The following TAS2R1 variants were observed in gnomAD, a reference collection of about 807,000 sequenced individuals.
The protein encoded by TAS2R1 is taste 2 receptor member 1.
For missense variants in TAS2R1, 370 were observed against 353.4 expected, an observed-to-expected ratio of 1.05 and a Z score of -0.38; for synonymous variants, 141 against 134.2, an observed-to-expected ratio of 1.05 and a Z score of -0.35.
At chr5:9,814,392 G>A in the TAS2R1 span, among the ~76,000 whole-genome samples, 2 of 152,042 alleles carry the variant, frequency 1.3e-5, no homozygotes, top group Non-Finnish European at 2.9e-5. Flanking sequence ...ATCTAAGCAG[G>A]AATATCTAGA....
the TAS2R1 span, among the ~76,000 whole-genome samples, chr5:9,811,905 AC>A: frequency 6.6e-6 from 1 of 152,000 alleles, no homozygotes; most frequent in African/African-American, 2.4e-5. Flanking sequence ...CCTCTTGGGC[AC>A]CCTTTCCTTT....
the TAS2R1 span, among the ~76,000 whole-genome samples, chr5:9,803,985 C>A: frequency 6.6e-6 from 1 of 152,114 alleles, no homozygotes. Context: ...TTTCTGCTGT[C>A]TTCAAGAGAC....
chr5:9,855,002 C>T, the TAS2R1 span, among the ~76,000 whole-genome samples: 14 of 152,326 alleles, frequency 9.2e-5, no homozygotes, highest in East Asian at 3.8e-4. Flanking sequence ...ATACTTGTTT[C>T]GAGAGCCCCC....
At chr5:9,715,324 G>A (rs755163308), upstream of TAS2R1, among the ~76,000 whole-genome samples, 67 of 152,336 alleles carry the variant, frequency 4.4e-4, no homozygotes, top group South Asian at 8.3e-4. Flanking sequence ...TGCACTTGGG[G>A]ATGCTACAGC....
the TAS2R1 span, among the ~76,000 whole-genome samples, chr5:9,855,149 T>C: frequency 1.3e-5 from 2 of 152,198 alleles, no homozygotes; most frequent in African/African-American, 2.4e-5. Flanking sequence ...TAATTCTTAC[T>C]TGACTGACTT....
chr5:9,844,261 G>A, the TAS2R1 span, among the ~76,000 whole-genome samples: 2 of 152,044 alleles, frequency 1.3e-5, no homozygotes, highest in Non-Finnish European at 2.9e-5. Flanking sequence ...CCCTTCCATG[G>A]CTTCCCATTG....
At chr5:9,900,890 C>T in the TAS2R1 span, among the ~76,000 whole-genome samples, 51 of 152,100 alleles carry the variant, frequency 3.4e-4, no homozygotes, top group African/African-American at 8.9e-4. Context: ...CCTGCTCAAA[C>T]GGATTTAATT....
the TAS2R1 span, among the ~76,000 whole-genome samples, chr5:9,796,371 C>T: frequency 3.3e-5 from 5 of 152,140 alleles, no homozygotes; most frequent in Non-Finnish European, 7.4e-5. Context: ...TACCCACTTG[C>T]TGTGAGCAGA....
At chr5:9,630,449 G>A (rs142487801), upstream of TAS2R1, 271 of 169,102 alleles carry the variant, frequency 1.6e-3, no homozygotes, top group African/African-American at 6.2e-3. Flanking sequence ...TAATGTTATC[G>A]TGTACTCTTT....
chr5:9,732,555 C>A, the TAS2R1 span, among the ~76,000 whole-genome samples: 1 of 152,008 alleles, frequency 6.6e-6, no homozygotes, highest in Non-Finnish European at 1.5e-5. Flanking sequence ...GCCAGGGTGT[C>A]CTTAGGAATT....
chr5:9,862,334 C>T, the TAS2R1 span, among the ~76,000 whole-genome samples: 754 of 152,276 alleles, frequency 5.0e-3, 6 homozygotes, highest in African/African-American at 0.017. Flanking sequence ...CAAAGTCAGA[C>T]GTAAGCCTGG....
At chr5:9,653,534 A>G (rs1740351180) in intron 2 of TAS2R1, among the ~76,000 whole-genome samples, 1 of 152,184 alleles carries the variant, frequency 6.6e-6, no homozygotes, top group Non-Finnish European at 1.5e-5. Flanking sequence ...CAAATCCAGA[A>G]GTAGGATTGC....
At chr5:9,897,077 G>A in the TAS2R1 span, among the ~76,000 whole-genome samples, 1 of 152,322 alleles carries the variant, frequency 6.6e-6, no homozygotes, top group Non-Finnish European at 1.5e-5. Context: ...GAAGACTAAG[G>A]ATGATCTTAA....
the TAS2R1 span, among the ~76,000 whole-genome samples, chr5:9,766,950 C>T: frequency 2.3e-4 from 35 of 152,250 alleles, no homozygotes; most frequent in African/African-American, 7.7e-4. Flanking sequence ...ATGCCTTGGG[C>T]TCCATCCTAT....
chr5:9,641,180 A>G (rs974272762), intron 2 of TAS2R1: 3 of 152,336 alleles, frequency 2.0e-5, no homozygotes, highest in Middle Eastern at 3.4e-3. Flanking sequence ...CTTAAAAGAA[A>G]TAACGATGTC....
intron 2 of TAS2R1, among the ~76,000 whole-genome samples, chr5:9,636,805 A>G (rs1202041518): frequency 6.6e-6 from 1 of 151,922 alleles, no homozygotes; most frequent in East Asian, 1.9e-4. Flanking sequence ...CTTTACCTTA[A>G]GTGAGTTCTT....
At chr5:9,853,406 A>G in the TAS2R1 span, among the ~76,000 whole-genome samples, 1 of 152,198 alleles carries the variant, frequency 6.6e-6, no homozygotes, top group African/African-American at 2.4e-5. Flanking sequence ...TAGATTATTC[A>G]GAAATTTTTG....
chr5:9,750,439 C>T, the TAS2R1 span, among the ~76,000 whole-genome samples: 1 of 152,184 alleles, frequency 6.6e-6, no homozygotes, highest in African/African-American at 2.4e-5. Flanking sequence ...TGGCCCACAT[C>T]ACTTCCACTT....
intron 2 of TAS2R1, among the ~76,000 whole-genome samples, chr5:9,658,101 T>C (rs929976443): frequency 7.9e-5 from 12 of 152,170 alleles, no homozygotes; most frequent in African/African-American, 2.7e-4. Flanking sequence ...TTAAGACAGA[T>C]ACTTCTATAT....
Sources: allele counts gnomAD v4.1 joint callset (sites outside exome capture counted in the v4.1 genomes callset), GRCh38; gene constraint gnomAD v4.1.1; transcripts MANE v1.5; gene names NCBI Gene and HGNC (gene_info 2026-07-23, HGNC 2026-07-21).